RPL39L: variants seen among roughly 807,000 people sequenced by gnomAD.
RPL39L encodes ribosomal protein L39 like, also known as ribosomal protein eL39-like 2.
For synonymous variants in RPL39L, 16 were observed against 20.1 expected, an observed-to-expected ratio of 0.80 and a Z score of 0.55; for missense variants, 48 against 58.9, an observed-to-expected ratio of 0.81 and a Z score of 0.61.
intron 1 of RPL39L, among the ~76,000 whole-genome samples, chr3:187,129,530 G>A (rs563233393): frequency 2.4e-4 from 37 of 152,232 alleles, no homozygotes; most frequent in South Asian, 6.2e-4. Context: ...CACATAATTC[G>A]TTCTACAAAA....
chr3:187,121,269 C>A lies in RPL39L; in HGVS notation c.32G>T (p.Arg11Leu), dbSNP rs116560212. The change falls in exon 3 of 3, where the codon CGA (arginine) becomes CTA (leucine). Residue 11 changes from arginine to leucine, a missense_variant. By Grantham distance (102) the Arg-to-Leu change is moderately radical. Transcript: ENST00000296277. MSSHKTFTIKRFLAKKQKQNR... is the reference protein window; with the variant it reads MSSHKTFTIKLFLAKKQKQNR... ...TTGCTTTTGTTTCTTGGCCAGGAAT[C>A]GCTTAATGGTGAAAGTCTTGTGAGA... 1.2e-3 allele frequency: 1,950 copies of A among 1,613,936 alleles called. 25 individuals are homozygous for A. In the African/African-American group the frequency reaches 0.024, roughly 19 times the overall value.
rs112153457 is a variant in RPL39L, at chr3:187,139,060, AAAAC to A, written c.-93+149_-93+152del. On this transcript the variant is annotated intron_variant, in intron 1 of 2. Coordinates refer to ENST00000296277, the MANE Select transcript of RPL39L (RefSeq NM_052969.3). ...GCGACGGAGGGAGACCCTGTCTCAA[AAAAC>A]AAACAAACAAACAAACAAACAAAAA... Among the ~76,000 whole-genome samples the A allele has an allele frequency of 1.7e-3, 252 of 148,058 alleles. 1 individual carries two copies. The highest frequency in any genetic ancestry group is 4.6e-3 in the African/African-American group (178 of 38,922).
intron 1 of RPL39L, among the ~76,000 whole-genome samples, chr3:187,133,292 C>T (rs1720516384): frequency 6.6e-6 from 1 of 152,104 alleles, no homozygotes; most frequent in African/African-American, 2.4e-5. Flanking sequence ...GTGATTGGAT[C>T]ATGTGGGTGG....
In RPL39L at chr3:187,121,160, G is replaced by C. The variant is rs1272483530; in HGVS notation, c.141C>G (p.Thr47=). 11 of 1,613,636 alleles carry C rather than the reference G, an allele frequency of 6.8e-6. No individual in the cohort carries two copies. In the African/African-American group the frequency reaches 9.3e-5, roughly 14 times the overall value. ...GTGCAATTCCTTATAGACCCAGCTT[G>C]GTTCTTCTCCAATGCCTCCTTTTGG... ...YNSKRRHWRR[T]KLGL The change falls in exon 3 of 3, where the codon ACC becomes ACG. Residue 47 remains threonine, a synonymous_variant. Transcript: ENST00000296277.
chr3:187,122,305 G>A (rs1314338139), intron 2 of RPL39L, among the ~76,000 whole-genome samples: 1 of 152,154 alleles, frequency 6.6e-6, no homozygotes, highest in Non-Finnish European at 1.5e-5. Context: ...CAGATTGTGA[G>A]AGTAATTACA....
In RPL39L at chr3:187,134,099, T is replaced by C. The variant is rs1425329984; in HGVS notation, c.-93+5114A>G. On this transcript the variant is annotated intron_variant, in intron 1 of 2. Transcript: ENST00000296277. The stretch of plus-strand genomic sequence containing the variant: ...GAACTAAGAGAGATGGAACTTAAAA[T>C]ATATTTGATTAATATATTAATCATA... Among the ~76,000 whole-genome samples, 3 of 152,114 alleles carry C rather than the reference T, an allele frequency of 2.0e-5. No individual in the cohort carries two copies. The East Asian group carries it at 5.8e-4, about 29-fold the overall frequency.
At chr3:187,125,060 A>G (rs1474157736) in intron 2 of RPL39L, among the ~76,000 whole-genome samples, 1 of 152,190 alleles carries the variant, frequency 6.6e-6, no homozygotes, top group African/African-American at 2.4e-5. Context: ...TCTAGCTGGG[A>G]AGGGAGGAGG....
intron 1 of RPL39L, among the ~76,000 whole-genome samples, chr3:187,131,616 C>T (rs974913269): frequency 6.6e-6 from 1 of 152,176 alleles, no homozygotes; most frequent in African/African-American, 2.4e-5. Flanking sequence ...ACTGCCACCA[C>T]TAGCTGTTAG....
intron 1 of RPL39L, among the ~76,000 whole-genome samples, chr3:187,134,140 AGT>A (rs1720532240): frequency 6.6e-6 from 1 of 152,196 alleles, no homozygotes; most frequent in East Asian, 1.9e-4. Context: ...TGAAGGTTCT[AGT>A]GGAAAAAAAT....
chr3:187,134,483 T>TAAAAAAAAAAAAAAAAAAAAAAAAAAA (rs72169562), intron 1 of RPL39L, among the ~76,000 whole-genome samples: 18 of 93,400 alleles, frequency 1.9e-4, no homozygotes, highest in African/African-American at 7.2e-4. Context: ...GCCTGACTGA[T>TAAAAAAAAAAAAAAAAAAAAAAAAAAA]AAAAAAAAAA....
At chr3:187,130,434 G>A (rs1177648270) in intron 1 of RPL39L, among the ~76,000 whole-genome samples, 2 of 152,174 alleles carry the variant, frequency 1.3e-5, no homozygotes, top group Non-Finnish European at 2.9e-5. Context: ...GATCCTTTGT[G>A]GCTTGGTGCT....
intron 1 of RPL39L, among the ~76,000 whole-genome samples, chr3:187,135,230 A>G (rs374166955): frequency 2.0e-4 from 30 of 152,330 alleles, no homozygotes; most frequent in African/African-American, 7.0e-4. Context: ...GAGGCAAAGC[A>G]GTTCAGAAGC....
chr3:187,134,382 G>A (rs1258877891), intron 1 of RPL39L, among the ~76,000 whole-genome samples: 7 of 151,064 alleles, frequency 4.6e-5, no homozygotes, highest in Non-Finnish European at 1.0e-4. Flanking sequence ...GGAGGCCAGG[G>A]ATGCTGCTGA....
At position 187,125,998 on chromosome 3, in the gene RPL39L, G is replaced by A. The variant is rs149688440; in HGVS notation, c.-29+2001C>T. On this transcript the variant is annotated intron_variant, in intron 2 of 2. Transcript: ENST00000296277. ...GTTAAAGGTTATATTACTATTTAAG[G>A]TCATAAGGTTAAAGGTCATAAAATA... 5.7e-3 allele frequency among the ~76,000 whole-genome samples: 872 copies of A among 152,210 alleles called. 7 individuals carry two copies. The highest frequency in any genetic ancestry group is 0.018 in the African/African-American group (752 of 41,522).
chr3:187,136,126 T>A (rs963919189), intron 1 of RPL39L, among the ~76,000 whole-genome samples: 1 of 152,210 alleles, frequency 6.6e-6, no homozygotes, highest in Non-Finnish European at 1.5e-5. Context: ...CATTTTATAT[T>A]CCATAACTAA....
Position 187,121,329 on chromosome 3 carries a change from C to T in RPL39L, c.-28-1G>A, listed in dbSNP as rs906567889. 6.2e-7 allele frequency: 1 copy of T among 1,612,438 alleles called. No individual in the cohort carries two copies. The highest frequency in any genetic ancestry group is 1.3e-5 in the African/African-American group (1 of 74,840). On this transcript the variant is annotated splice_acceptor_variant, in intron 2 of 2. Transcript: ENST00000296277. LOFTEE classifies it low-confidence loss of function (5UTR_SPLICE). ...GAGAAACAGAGTCAACCACACACCA[C>T]TATGGCGGAGAAAGGGAGAGAGAGA...
intron 1 of RPL39L, among the ~76,000 whole-genome samples, chr3:187,129,094 C>A (rs530052566): frequency 3.3e-5 from 5 of 152,276 alleles, no homozygotes; most frequent in African/African-American, 1.2e-4. Flanking sequence ...GATAGCTTAG[C>A]AAGGATTGTT....
chr3:187,134,623 G>A (rs1048873963), intron 1 of RPL39L, among the ~76,000 whole-genome samples: 1 of 152,198 alleles, frequency 6.6e-6, no homozygotes, highest in East Asian at 1.9e-4. Context: ...CTTAGTCATC[G>A]AAGTCTTGTA....
At chr3:187,123,044 T>C (rs1389794994) in intron 2 of RPL39L, among the ~76,000 whole-genome samples, 1 of 152,200 alleles carries the variant, frequency 6.6e-6, no homozygotes, top group African/African-American at 2.4e-5. Context: ...ATAAATATCA[T>C]GGTAAGGAAA....
Sources: allele counts gnomAD v4.1 joint callset (sites outside exome capture counted in the v4.1 genomes callset), GRCh38; gene constraint gnomAD v4.1.1; transcripts MANE v1.5; gene names NCBI Gene and HGNC (gene_info 2026-07-23, HGNC 2026-07-21).